ANKRD30BL: variants seen among roughly 807,000 people sequenced by gnomAD.
The protein encoded by ANKRD30BL is ankyrin repeat domain 30B like.
Under a neutral mutation model 18.4 loss-of-function variants are expected in ANKRD30BL, and 20 were observed. That is an observed-to-expected ratio of 1.09 (90% CI 0.77 to 1.58). The LOEUF is 1.58. Among genes scored for constraint, ANKRD30BL ranks in the 40% most tolerant of loss-of-function variants. The pLI, the probability that ANKRD30BL is intolerant of heterozygous loss-of-function variation, is 0.00. For missense variants in ANKRD30BL, 224 were observed against 268.6 expected (o/e 0.83, Z 1.16); for synonymous variants, 72 against 100.9 (o/e 0.71, Z 1.72).
chr2:132,170,847 CT>C (rs555859809), intron 1 of ANKRD30BL, among the ~76,000 whole-genome samples: 23 of 152,110 alleles, frequency 1.5e-4, no homozygotes, highest in Non-Finnish European at 2.2e-4. Flanking sequence ...TAAACTTTTT[CT>C]TTTTTTTGAT....
intron 1 of ANKRD30BL, among the ~76,000 whole-genome samples, chr2:132,187,235 G>A (rs1426430087): frequency 9.0e-5 from 12 of 132,698 alleles, no homozygotes. Flanking sequence ...GTTTTGTAGA[G>A]CAGGCTGGAG....
At chr2:132,192,340 T>A (rs1297178866) in intron 1 of ANKRD30BL, among the ~76,000 whole-genome samples, 1 of 152,050 alleles carries the variant, frequency 6.6e-6, no homozygotes, top group African/African-American at 2.4e-5. Flanking sequence ...TTCTTGCAGG[T>A]GTCAATGGTG....
intron 1 of ANKRD30BL, among the ~76,000 whole-genome samples, chr2:132,238,939 A>G (rs77496888): frequency 6.6e-6 from 1 of 151,362 alleles, no homozygotes; most frequent in African/African-American, 2.4e-5. Context: ...TTGAGGCCTA[A>G]GGTGAAAAAG....
intron 2 of ANKRD30BL, 69 bp downstream of exon 2, chr2:132,157,240 T>A (rs764099558): frequency 3.9e-5 from 39 of 1,009,468 alleles, no homozygotes; most frequent in Non-Finnish European, 5.7e-5. Context: ...TTCAATGAGA[T>A]AGATTCATTT....
Position 132,161,780 on chromosome 2 carries a change from G to C in ANKRD30BL, c.-75C>G. 1 of 720,496 alleles carries C rather than the reference G, an allele frequency of 1.4e-6. No homozygotes were observed. Among genetic ancestry groups the C allele is most frequent in the South Asian group, 1.7e-5 (1 of 57,536 alleles). The allele number at this position is 720,496 out of a possible 1,614,324, so 44.6% of individuals were successfully genotyped here. A position where few individuals can be genotyped will look rare whatever the true frequency, so the allele number is the denominator to read the frequency against. ...TCCCCAGTCCCCGCCGCTCGCCCTC[G>C]CCCTTCTTCAGTCCCTGCATCCGCC... On this transcript the variant is annotated 5_prime_UTR_variant, in exon 1 of 6. Transcript: ENST00000409867.
At chr2:132,252,614 T>C (rs79993450) in intron 1 of ANKRD30BL, among the ~76,000 whole-genome samples, 1 of 152,074 alleles carries the variant, frequency 6.6e-6, no homozygotes, top group African/African-American at 2.4e-5. Context: ...ACTGGAGCTG[T>C]GGTCAGCCAG....
At chr2:132,221,056 G>C (rs1282566607) in intron 1 of ANKRD30BL, among the ~76,000 whole-genome samples, 1 of 142,700 alleles carries the variant, frequency 7.0e-6, no homozygotes. Flanking sequence ...CGGCCGCCCC[G>C]TCTGAGAAGT....
At chr2:132,249,842 C>G (rs796996728) in intron 1 of ANKRD30BL, among the ~76,000 whole-genome samples, 1 of 151,820 alleles carries the variant, frequency 6.6e-6, no homozygotes, top group Non-Finnish European at 1.5e-5. Context: ...AGGCCTCAAA[C>G]TGCTCACAAA....
At chr2:132,225,399 C>A (rs1331491311) in intron 1 of ANKRD30BL, among the ~76,000 whole-genome samples, 3 of 151,734 alleles carry the variant, frequency 2.0e-5, no homozygotes, top group Non-Finnish European at 4.4e-5. Flanking sequence ...GTTGAACATA[C>A]CTTATGATAG....
chr2:132,225,093 A>G (rs1679805770), intron 1 of ANKRD30BL, among the ~76,000 whole-genome samples: 1 of 151,846 alleles, frequency 6.6e-6, no homozygotes, highest in Admixed American at 6.6e-5. Flanking sequence ...CTCTTTTAGT[A>G]GAATCTGCAA....
At chr2:132,201,934 C>T (rs1573836297) in intron 1 of ANKRD30BL, among the ~76,000 whole-genome samples, 1 of 152,236 alleles carries the variant, frequency 6.6e-6, no homozygotes, top group South Asian at 2.1e-4. Flanking sequence ...AAATGTGGCA[C>T]ATATACACCA....
chr2:132,222,214 G>T (rs1231273132), intron 1 of ANKRD30BL, among the ~76,000 whole-genome samples: 1 of 148,412 alleles, frequency 6.7e-6, no homozygotes, highest in Non-Finnish European at 1.5e-5. Context: ...AGGGTGGTGG[G>T]GGGGTCAGCC....
intron 1 of ANKRD30BL, among the ~76,000 whole-genome samples, chr2:132,187,165 GTTTTTTGTTT>G (rs1688575880): frequency 8.2e-6 from 1 of 122,282 alleles, no homozygotes; most frequent in African/African-American, 3.3e-5. Context: ...ATCGTAGGAA[GTTTTTTGTTT>G]TTTTTTTTGT....
intron 1 of ANKRD30BL, among the ~76,000 whole-genome samples, chr2:132,217,278 G>C (rs1363871093): frequency 6.6e-6 from 1 of 151,680 alleles, no homozygotes; most frequent in Non-Finnish European, 1.5e-5. Context: ...ATAATCTCTA[G>C]AGAGAAGTTT....
intron 1 of ANKRD30BL, among the ~76,000 whole-genome samples, chr2:132,210,022 G>A (rs80276414): frequency 6.7e-6 from 1 of 150,304 alleles, no homozygotes; most frequent in Non-Finnish European, 1.5e-5. Flanking sequence ...GGAAAAGGAA[G>A]TATCTTCAAT....
chr2:132,174,336 T>C (rs1688328008), intron 1 of ANKRD30BL, among the ~76,000 whole-genome samples: 1 of 152,160 alleles, frequency 6.6e-6, no homozygotes, highest in Non-Finnish European at 1.5e-5. Flanking sequence ...ATTTCTTAGA[T>C]ATATTTGTGT....
intron 1 of ANKRD30BL, among the ~76,000 whole-genome samples, chr2:132,214,745 C>T (rs1280814175): frequency 6.7e-6 from 1 of 149,570 alleles, no homozygotes; most frequent in Non-Finnish European, 1.5e-5. Flanking sequence ...AGAGCTGAAC[C>T]TTTCTTTTGA....
At chr2:132,252,091 T>C (rs951981802) in intron 1 of ANKRD30BL, among the ~76,000 whole-genome samples, 1 of 152,084 alleles carries the variant, frequency 6.6e-6, no homozygotes, top group Non-Finnish European at 1.5e-5. Flanking sequence ...ATATTACTCA[T>C]ATTATCTTTT....
At chr2:132,160,343 C>T (rs1688019399) in intron 1 of ANKRD30BL, among the ~76,000 whole-genome samples, 1 of 151,428 alleles carries the variant, frequency 6.6e-6, no homozygotes, top group African/African-American at 2.4e-5. Context: ...TCAGGTGATC[C>T]ACCCGCCTTG....
Sources: allele counts gnomAD v4.1 joint callset (sites outside exome capture counted in the v4.1 genomes callset), GRCh38; gene constraint gnomAD v4.1.1; transcripts MANE v1.5; gene names NCBI Gene and HGNC (gene_info 2026-07-23, HGNC 2026-07-21).